The following PTPRG variants were observed in gnomAD, a reference collection of about 807,000 sequenced individuals.
PTPRG encodes protein tyrosine phosphatase receptor type G.
PTPRG carries 102 observed loss-of-function variants against 165.3 expected under a neutral mutation model. The ratio of observed to expected loss-of-function variants is 0.62; its 90% confidence interval spans 0.53 to 0.73. The LOEUF is 0.73. Among genes scored for constraint, PTPRG ranks in the 30% least tolerant of loss-of-function variants. The pLI is 0.00. For synonymous variants in PTPRG, 675 were observed against 669.5 expected (o/e 1.01, Z -0.13); for missense variants, 1,866 against 1,861.4 (o/e 1.00, Z -0.05).
chr3:62,135,976 C>G (rs113350281), intron 6 of PTPRG, among the ~76,000 whole-genome samples: 1 of 152,142 alleles, frequency 6.6e-6, no homozygotes, highest in African/African-American at 2.4e-5. Flanking sequence ...TGATTGTAGA[C>G]GCTGGGCAGA....
intron 1 of PTPRG, among the ~76,000 whole-genome samples, chr3:61,601,358 C>T (rs983498815): frequency 2.0e-5 from 3 of 152,222 alleles, no homozygotes; most frequent in Non-Finnish European, 4.4e-5. Context: ...TGAGTTAACT[C>T]ATCCAGAACA....
chr3:61,671,411 C>T (rs956772215), intron 1 of PTPRG, among the ~76,000 whole-genome samples: 1 of 151,828 alleles, frequency 6.6e-6, no homozygotes, highest in African/African-American at 2.4e-5. Context: ...ATCCATTCAA[C>T]CCTGAGTGGA....
At chr3:62,153,022 A>G (rs187119320) in intron 6 of PTPRG, among the ~76,000 whole-genome samples, 2 of 152,388 alleles carry the variant, frequency 1.3e-5, no homozygotes, top group East Asian at 1.9e-4. Context: ...AAGTAGATAT[A>G]TATTTTGAAA....
chr3:61,562,318 A>T lies in PTPRG; in HGVS notation c.31A>T (p.Ile11Phe), dbSNP rs745565612. Residue 11 changes from isoleucine (I) to phenylalanine (F), a missense_variant, in exon 1 of 30, where the codon ATT becomes TTT. Around this residue, in one of 3 missense-constraint regions of PTPRG, gnomAD observed 408 missense variants for 376.2 expected, o/e 1.08. Transcript: ENST00000474889. MRRLLEPCWW[I>F]LFLKITSSVL... ...GAGGTTACTGGAACCGTGTTGGTGGATTTTGTTCCTGAAAATCACCAGTTC... is the reference window on the plus strand; with the variant it reads ...GAGGTTACTGGAACCGTGTTGGTGGTTTTTGTTCCTGAAAATCACCAGTTC... 4 of 1,613,378 alleles carry T rather than the reference A, an allele frequency of 2.5e-6. No homozygotes were observed. The East Asian group carries it at 8.9e-5, about 36-fold the overall frequency.
intron 6 of PTPRG, among the ~76,000 whole-genome samples, chr3:62,138,749 A>G (rs997237005): frequency 6.6e-6 from 1 of 151,328 alleles, no homozygotes; most frequent in Non-Finnish European, 1.5e-5. Flanking sequence ...AAGACGAAAT[A>G]CATGTGCATT....
intron 1 of PTPRG, among the ~76,000 whole-genome samples, chr3:61,732,687 T>C (rs1044346270): frequency 9.8e-4 from 148 of 151,360 alleles, no homozygotes; most frequent in African/African-American, 3.3e-3. Flanking sequence ...CCAGCGTGGG[T>C]GACAGAGCGA....
intron 2 of PTPRG, among the ~76,000 whole-genome samples, chr3:61,871,128 A>G (rs62243205): frequency 0.076 from 9,258 of 122,310 alleles, 606 homozygotes; most frequent in East Asian, 0.23. Flanking sequence ...ATGTTATGTT[A>G]TGTTGTGTTG....
In PTPRG at chr3:61,979,208, T is replaced by A. The variant is rs561086782; in HGVS notation, c.191-10417T>A. On this transcript the variant is annotated intron_variant, in intron 2 of 29. Transcript: ENST00000474889. ...GATGCAATATGGTTGATTATTGATT[T>A]TTCCTTTTGGTTCAGAGTCCAATAG... 1.1e-4 allele frequency among the ~76,000 whole-genome samples: 16 copies of A among 152,332 alleles called. No homozygotes were observed. In the South Asian group the frequency reaches 3.3e-3, roughly 32 times the overall value.
chr3:61,941,182 G>T (rs2039618149), intron 2 of PTPRG, among the ~76,000 whole-genome samples: 1 of 152,226 alleles, frequency 6.6e-6, no homozygotes, highest in African/African-American at 2.4e-5. Context: ...TGCCATACTT[G>T]TCATAATAAT....
At chr3:62,019,376 A>C (rs1485697187) in intron 4 of PTPRG, among the ~76,000 whole-genome samples, 1 of 152,018 alleles carries the variant, frequency 6.6e-6, no homozygotes, top group Non-Finnish European at 1.5e-5. Flanking sequence ...ACAAAAACTT[A>C]GTTGGGCGTG....
chr3:62,228,534 GAAAAAA>G lies in PTPRG; in HGVS notation c.2289-2690_2289-2685del, dbSNP rs1251008579. On this transcript the variant is annotated intron_variant, in intron 13 of 29. Coordinates refer to ENST00000474889, the MANE Select transcript of PTPRG (RefSeq NM_002841.4). This position sits in a 1 kb window ranked among gnomAD's most constrained non-coding sequence, Gnocchi z 4.1. ...ATCTCAAAAAAAAAAAAGAAAGAAA[GAAAAAA>G]GAAAAAGAAAAAGGACAAGTGCTCC... 6.6e-6 allele frequency among the ~76,000 whole-genome samples: 1 copy of G among 151,218 alleles called. No individual in the cohort carries two copies. Among genetic ancestry groups the G allele is most frequent in the Non-Finnish European group, 1.5e-5 (1 of 67,816 alleles).
intron 28 of PTPRG, among the ~76,000 whole-genome samples, chr3:62,288,803 T>C (rs997568461): frequency 6.6e-6 from 1 of 152,134 alleles, no homozygotes; most frequent in Non-Finnish European, 1.5e-5. Context: ...TCAATATATA[T>C]TGGGGACGAA....
At chr3:61,817,065 A>ATACATATATTATATATAATATATAT (rs1338248488) in intron 2 of PTPRG, among the ~76,000 whole-genome samples, 1 of 133,728 alleles carries the variant, frequency 7.5e-6, no homozygotes, top group Non-Finnish European at 1.5e-5. Context: ...ATAATATATA[A>ATACATATATTATATATAATATATAT]TACATATATT....
chr3:62,253,645 C>T (rs1310142640), intron 15 of PTPRG, among the ~76,000 whole-genome samples: 3 of 152,146 alleles, frequency 2.0e-5, no homozygotes, highest in African/African-American at 7.2e-5. Context: ...GTGCATTCTG[C>T]TAAATATTCT....
intron 2 of PTPRG, among the ~76,000 whole-genome samples, chr3:61,813,358 T>C (rs1219141410): frequency 1.1e-5 from 1 of 94,382 alleles, no homozygotes; most frequent in Non-Finnish European, 2.2e-5. Context: ...AGAAAAAAAA[T>C]AGAAAAATTA....
intron 4 of PTPRG, among the ~76,000 whole-genome samples, chr3:62,049,248 GTT>G (rs911940309): frequency 5.9e-5 from 9 of 152,138 alleles, no homozygotes; most frequent in African/African-American, 2.2e-4. Context: ...CATGTTCACT[GTT>G]TTAAGGTTAT....
rs1331424512 is a variant in PTPRG at position 62,173,975 on chromosome 3, AAAAT to A, written c.1033+5815_1033+5818del. 3.3e-5 allele frequency among the ~76,000 whole-genome samples: 5 copies of A among 152,360 alleles called. 1 individual carries two copies. The East Asian group carries it at 9.7e-4, about 29-fold the overall frequency. On this transcript the variant is annotated intron_variant, in intron 8 of 29. Transcript: ENST00000474889. ...ACTTCTATATGGATGTCATCCATAA[AAAAT>A]AATAAAGCTCTAGTTGCAGTAAATG...
intron 4 of PTPRG, among the ~76,000 whole-genome samples, chr3:62,072,873 A>T (rs1419735785): frequency 2.0e-5 from 3 of 152,200 alleles, no homozygotes; most frequent in African/African-American, 7.2e-5. Context: ...TAAGTCTTCG[A>T]ATAACCTTTG....
chr3:61,804,285 C>G (rs1369899084), intron 2 of PTPRG, among the ~76,000 whole-genome samples: 1 of 152,190 alleles, frequency 6.6e-6, no homozygotes, highest in East Asian at 1.9e-4. Flanking sequence ...TACCTTTGTT[C>G]TCTTACTGGA....
Sources: allele counts gnomAD v4.1 joint callset (sites outside exome capture counted in the v4.1 genomes callset), GRCh38; gene constraint gnomAD v4.1.1; regional missense constraint gnomAD v4.1.1; non-coding constraint Gnocchi (gnomAD v3.1); transcripts MANE v1.5; gene names NCBI Gene and HGNC (gene_info 2026-07-23, HGNC 2026-07-21).